Variants in CNTN3 observed in about 807,000 individuals in gnomAD.
CNTN3 encodes contactin-3.
A neutral mutation model predicts 119.1 loss-of-function variants in CNTN3; 60 were observed. The observed-to-expected ratio is 0.50, with a 90% CI of 0.41 to 0.62. CNTN3 has a LOEUF of 0.62. CNTN3 is among the 20% of genes least tolerant of loss of function. The pLI is 0.00. For missense variants in CNTN3, 1,101 were observed against 1,242.4 expected (o/e 0.89, Z 1.71); for synonymous variants, 450 against 438.7 (o/e 1.03, Z -0.32).
At chr3:74,423,707 CAA>C (rs1701652020) in intron 5 of CNTN3, among the ~76,000 whole-genome samples, 1 of 152,196 alleles carries the variant, frequency 6.6e-6, no homozygotes, top group South Asian at 2.1e-4. Context: ...TCTGAAACAT[CAA>C]GATTCCAGCA....
intron 5 of CNTN3, among the ~76,000 whole-genome samples, chr3:74,390,565 A>C (rs954298990): frequency 6.6e-6 from 1 of 152,128 alleles, no homozygotes; most frequent in Non-Finnish European, 1.5e-5. Context: ...AGGCATGGGA[A>C]GGGAAAGCAG....
At chr3:74,450,105 A>G (rs998268735) in intron 4 of CNTN3, among the ~76,000 whole-genome samples, 6 of 152,126 alleles carry the variant, frequency 3.9e-5, no homozygotes, top group African/African-American at 1.4e-4. Flanking sequence ...AAATGAAATG[A>G]ATTAAGTTTA....
intron 4 of CNTN3, among the ~76,000 whole-genome samples, chr3:74,435,289 C>A (rs1345821458): frequency 6.6e-6 from 1 of 152,160 alleles, no homozygotes; most frequent in Admixed American, 6.5e-5. Context: ...ATTCTTATGC[C>A]TCAGCCTCCC....
intron 11 of CNTN3, among the ~76,000 whole-genome samples, chr3:74,356,955 G>T (rs147605698): frequency 6.6e-6 from 1 of 152,000 alleles, no homozygotes; most frequent in African/African-American, 2.4e-5. Flanking sequence ...TAGGAGTCTC[G>T]CTCTGTCGCC....
intron 5 of CNTN3, among the ~76,000 whole-genome samples, chr3:74,386,204 T>C (rs10865681): frequency 0.19 from 29,569 of 152,176 alleles, 3,627 homozygotes; most frequent in East Asian, 0.37. Flanking sequence ...AGTTAAAATG[T>C]ATCCAAGAAT....
At chr3:74,531,664 G>A (rs950322315) in intron 1 of CNTN3, among the ~76,000 whole-genome samples, 1 of 151,974 alleles carries the variant, frequency 6.6e-6, no homozygotes, top group Non-Finnish European at 1.5e-5. Context: ...AAGGGTGTGA[G>A]CAGAGGAAGA....
In CNTN3 at chr3:74,264,429, A is replaced by C. The variant is rs767700129; in HGVS notation, c.3059T>G (p.Leu1020Arg). The change falls in exon 23 of 23, where the codon CTG (leucine) becomes CGG (arginine). Residue 1020 changes from leucine to arginine, a missense_variant. Transcript: ENST00000263665. ...CCACAGGACATATACAATTAAGAACAGTACTATAGGCATATAACTTGACAT... is the reference window on the plus strand; with the variant it reads ...CCACAGGACATATACAATTAAGAACCGTACTATAGGCATATAACTTGACAT... ...HPMSSYMPIV[L>R]FLIVYVLW 6.2e-6 allele frequency: 10 copies of C among 1,605,298 alleles called. No homozygotes were observed. The East Asian group carries it at 2.2e-4, about 36-fold the overall frequency.
At chr3:74,432,678 C>T (rs753518832) in intron 4 of CNTN3, among the ~76,000 whole-genome samples, 9 of 152,198 alleles carry the variant, frequency 5.9e-5, no homozygotes, top group South Asian at 2.1e-4. Flanking sequence ...TCTCCTAAAT[C>T]GGAATATTAG....
intron 1 of CNTN3, among the ~76,000 whole-genome samples, chr3:74,598,451 T>C (rs937982832): frequency 2.0e-5 from 3 of 152,034 alleles, no homozygotes; most frequent in South Asian, 2.1e-4. Flanking sequence ...CCACAAAGAA[T>C]TGTAGGTAAT....
At position 74,357,499 on chromosome 3, in the gene CNTN3, T is replaced by C. The variant is rs1017786160; in HGVS notation, c.1364+4391A>G. On this transcript the variant is annotated intron_variant, in intron 11 of 22. Coordinates refer to ENST00000263665, the MANE Select transcript of CNTN3 (RefSeq NM_020872.3). ...GGTTTCTCCATGTTGGTTGGGCTGG[T>C]CTTGAACTCCTGACCTCAGGTGATC... is the stretch of plus-strand genomic sequence containing the variant. 1.1e-4 allele frequency among the ~76,000 whole-genome samples: 16 copies of C among 152,090 alleles called. 1 individual carries two copies. The highest frequency in any genetic ancestry group is 3.6e-4 in the African/African-American group (15 of 41,438).
At chr3:74,478,366 C>T (rs1316403887) in intron 4 of CNTN3, among the ~76,000 whole-genome samples, 3 of 152,168 alleles carry the variant, frequency 2.0e-5, no homozygotes, top group Non-Finnish European at 4.4e-5. Context: ...TGCCCTCCCC[C>T]ACACTAGAAG....
chr3:74,541,690 T>C (rs1379221586), intron 1 of CNTN3, among the ~76,000 whole-genome samples: 2 of 152,196 alleles, frequency 1.3e-5, no homozygotes, highest in Non-Finnish European at 2.9e-5. Flanking sequence ...CAATGTCCTA[T>C]TAAGCTATGT....
chr3:74,357,400 C>T lies in CNTN3; in HGVS notation c.1364+4490G>A, dbSNP rs532934001. Among the ~76,000 whole-genome samples the T allele has an allele frequency of 5.3e-5, 8 of 152,224 alleles. No individual in the cohort carries two copies. In the East Asian group the frequency reaches 1.5e-3, roughly 29 times the overall value. ...CCAAGTTCAAGTGATTCTCCTGCTT[C>T]AGCCTCCCAAGTAGCTGGGATTACA... On this transcript the variant is annotated intron_variant, in intron 11 of 22. Transcript: ENST00000263665.
At chr3:74,582,783 TTGTGTG>T (rs60306845) in intron 1 of CNTN3, among the ~76,000 whole-genome samples, 184 of 145,068 alleles carry the variant, frequency 1.3e-3, no homozygotes, top group Non-Finnish European at 1.7e-3. Context: ...GTGTATGCAT[TTGTGTG>T]TGTGTGTGTG....
chr3:74,557,926 T>C (rs1436941522), intron 1 of CNTN3, among the ~76,000 whole-genome samples: 3 of 152,044 alleles, frequency 2.0e-5, no homozygotes, highest in Admixed American at 2.0e-4. Context: ...CAAACTCTAT[T>C]AAACAAAACA....
At chr3:74,582,493 A>C (rs1704528502) in intron 1 of CNTN3, among the ~76,000 whole-genome samples, 1 of 152,200 alleles carries the variant, frequency 6.6e-6, no homozygotes, top group African/African-American at 2.4e-5. Context: ...ATATAGGTAA[A>C]TAAATAATGA....
chr3:74,603,183 C>T (rs1704939248), intron 1 of CNTN3, among the ~76,000 whole-genome samples: 1 of 152,118 alleles, frequency 6.6e-6, no homozygotes, highest in Non-Finnish European at 1.5e-5. Flanking sequence ...AGTCTTTGTG[C>T]TTTTGCAACA....
At chr3:74,336,434 G>A (rs1255434104) in intron 12 of CNTN3, 97 bp downstream of exon 12, 3 of 1,266,930 alleles carry the variant, frequency 2.4e-6, no homozygotes, top group Non-Finnish European at 3.3e-6. Flanking sequence ...TACCTTCATA[G>A]TGTACTGAAC....
At chr3:74,447,358 G>A (rs1400423265) in intron 4 of CNTN3, among the ~76,000 whole-genome samples, 1 of 152,162 alleles carries the variant, frequency 6.6e-6, no homozygotes, top group Admixed American at 6.6e-5. Flanking sequence ...CCAATTTCCT[G>A]CTATTGCCTC....
Sources: allele counts gnomAD v4.1 joint callset (sites outside exome capture counted in the v4.1 genomes callset), GRCh38; gene constraint gnomAD v4.1.1; transcripts MANE v1.5; gene names NCBI Gene and HGNC (gene_info 2026-07-23, HGNC 2026-07-21).